The following FHIT variants were observed in gnomAD, a reference collection of about 807,000 sequenced individuals.
The protein encoded by FHIT is fragile histidine triad diadenosine triphosphatase, also known as bis(5'-adenosyl)-triphosphatase.
FHIT carries 19 observed loss-of-function variants against 17.9 expected under a neutral mutation model. The observed-to-expected ratio is 1.06, with a 90% confidence interval of 0.74 to 1.56. The LOEUF (loss-of-function observed/expected upper bound fraction) is 1.56. FHIT is among the 40% of genes most tolerant of loss of function. FHIT has a pLI of 0.00. For missense variants in FHIT, 248 were observed against 189.2 expected (o/e 1.31, Z -1.82); for synonymous variants, 81 against 69.7 (o/e 1.16, Z -0.81).
intron 5 of FHIT, among the ~76,000 whole-genome samples, chr3:60,452,942 T>C (rs2031843698): frequency 6.6e-6 from 1 of 152,128 alleles, no homozygotes; most frequent in South Asian, 2.1e-4. Flanking sequence ...TTATGAAAAA[T>C]GGAAAATTAG....
intron 5 of FHIT, among the ~76,000 whole-genome samples, chr3:60,211,796 A>G (rs138491523): frequency 6.6e-6 from 1 of 152,230 alleles, no homozygotes; most frequent in East Asian, 1.9e-4. Flanking sequence ...TGACTGGGGA[A>G]AACCACTCTC....
intron 2 of FHIT, among the ~76,000 whole-genome samples, chr3:61,091,880 C>T (rs1270171843): frequency 7.4e-6 from 1 of 134,544 alleles, no homozygotes; most frequent in African/African-American, 2.9e-5. Flanking sequence ...GTTGAGGCTA[C>T]AGTGACCCAT....
chr3:60,727,589 CT>C lies in FHIT; in HGVS notation c.-18+94329del, dbSNP rs1471925484. 2.0e-5 allele frequency among the ~76,000 whole-genome samples: 3 copies of C among 152,174 alleles called. No individual in the cohort carries two copies. In the East Asian group the frequency reaches 5.8e-4, roughly 29 times the overall value. On this transcript the variant is annotated intron_variant, in intron 4 of 9. Transcript: ENST00000492590. Reference sequence around the variant, plus strand: ...AGCAAAGATAACTTACTATGTGACTCTATAAAGTAAAGTTCATCCAAAAGAT... The same window carrying C: ...AGCAAAGATAACTTACTATGTGACTCATAAAGTAAAGTTCATCCAAAAGAT...
chr3:60,678,042 AT>A (rs759516638), intron 4 of FHIT, among the ~76,000 whole-genome samples: 65 of 151,654 alleles, frequency 4.3e-4, no homozygotes, highest in Non-Finnish European at 1.5e-4. Context: ...TTTTATTTGG[AT>A]CTTTTCTTGG....
intron 4 of FHIT, among the ~76,000 whole-genome samples, chr3:60,714,554 T>C (rs1378552953): frequency 4.6e-5 from 7 of 152,086 alleles, no homozygotes; most frequent in African/African-American, 1.7e-4. Context: ...CAGCCCAAAA[T>C]CTCCTTAAGC....
At chr3:60,948,926 G>T (rs1458795863) in intron 3 of FHIT, among the ~76,000 whole-genome samples, 2 of 151,710 alleles carry the variant, frequency 1.3e-5, no homozygotes, top group Non-Finnish European at 2.9e-5. Flanking sequence ...GTTTTCCATC[G>T]CCCTCAATTT....
intron 3 of FHIT, among the ~76,000 whole-genome samples, chr3:60,872,989 C>A (rs1029142262): frequency 6.6e-6 from 1 of 152,094 alleles, no homozygotes; most frequent in Non-Finnish European, 1.5e-5. Flanking sequence ...GACACTCCTG[C>A]AACATGACTA....
At chr3:61,118,736 T>C (rs2106914169) in intron 2 of FHIT, among the ~76,000 whole-genome samples, 1 of 152,296 alleles carries the variant, frequency 6.6e-6, no homozygotes, top group Middle Eastern at 3.4e-3. Flanking sequence ...TACTGGAGTG[T>C]TGTTGTAAGA....
chr3:60,519,949 A>G (rs2035298241), intron 5 of FHIT, among the ~76,000 whole-genome samples: 2 of 152,210 alleles, frequency 1.3e-5, no homozygotes, highest in South Asian at 4.1e-4. Context: ...TTTTAAACAG[A>G]TACTCCCAAC....
At chr3:60,132,098 C>T (rs1699619013) in intron 5 of FHIT, among the ~76,000 whole-genome samples, 1 of 152,170 alleles carries the variant, frequency 6.6e-6, no homozygotes. Context: ...TCACATCTTT[C>T]AGGCTGAGAC....
intron 5 of FHIT, among the ~76,000 whole-genome samples, chr3:60,123,227 T>A (rs990931329): frequency 2.6e-5 from 4 of 152,182 alleles, no homozygotes; most frequent in Non-Finnish European, 5.9e-5. Flanking sequence ...ATTAGCAAGA[T>A]TGATGAGAAG....
At chr3:60,372,576 G>C (rs1347070605) in intron 5 of FHIT, among the ~76,000 whole-genome samples, 1 of 152,162 alleles carries the variant, frequency 6.6e-6, no homozygotes, top group Non-Finnish European at 1.5e-5. Context: ...AGAGTCATGA[G>C]TACAAGTTCG....
intron 5 of FHIT, among the ~76,000 whole-genome samples, chr3:60,143,774 A>G (rs1184067412): frequency 6.6e-6 from 1 of 152,186 alleles, no homozygotes; most frequent in Non-Finnish European, 1.5e-5. Context: ...CTGTAATTTC[A>G]GAGACCCTCA....
At chr3:60,403,288 G>A (rs1004236884) in intron 5 of FHIT, among the ~76,000 whole-genome samples, 1 of 152,124 alleles carries the variant, frequency 6.6e-6, no homozygotes, top group Non-Finnish European at 1.5e-5. Context: ...ATTATCTTAG[G>A]AGCTGGTGGT....
At chr3:60,994,335 G>A (rs957822210) in intron 3 of FHIT, among the ~76,000 whole-genome samples, 3 of 152,110 alleles carry the variant, frequency 2.0e-5, no homozygotes, top group Non-Finnish European at 4.4e-5. Flanking sequence ...TGGAGAACGT[G>A]GGGGAAGAGG....
At chr3:60,320,456 T>G (rs1709374311) in intron 5 of FHIT, among the ~76,000 whole-genome samples, 1 of 152,198 alleles carries the variant, frequency 6.6e-6, no homozygotes, top group Admixed American at 6.5e-5. Flanking sequence ...AGGATTTCAA[T>G]TAAATCATAA....
intron 5 of FHIT, among the ~76,000 whole-genome samples, chr3:60,291,864 T>C (rs1707999776): frequency 6.6e-6 from 1 of 152,024 alleles, no homozygotes; most frequent in Non-Finnish European, 1.5e-5. Flanking sequence ...CCTAGGAATA[T>C]CAGGAGCCAC....
At chr3:60,405,349 A>G (rs1701814358) in intron 5 of FHIT, among the ~76,000 whole-genome samples, 1 of 151,822 alleles carries the variant, frequency 6.6e-6, no homozygotes, top group Admixed American at 6.6e-5. Flanking sequence ...CTCAGCATGC[A>G]CTCCCCATTC....
At chr3:60,623,879 T>A (rs976660671) in intron 4 of FHIT, among the ~76,000 whole-genome samples, 8 of 152,180 alleles carry the variant, frequency 5.3e-5, no homozygotes, top group Non-Finnish European at 7.3e-5. Flanking sequence ...TCAAGGTCAA[T>A]GTCTCCCTCC....
Sources: gnomAD v4.1 joint callset for allele counts (sites outside exome capture counted in the v4.1 genomes callset) on GRCh38, gnomAD v4.1.1 for gene constraint, MANE v1.5 for transcripts, NCBI Gene and HGNC (gene_info 2026-07-23, HGNC 2026-07-21) for gene names.